Variants in ANKRD46 observed in about 807,000 individuals in gnomAD.
ANKRD46 encodes the protein ankyrin repeat domain-containing protein 46.
ANKRD46 carries 13 observed loss-of-function variants against 19.8 expected under a neutral mutation model. The observed-to-expected ratio is 0.66, with a 90% CI of 0.43 to 1.04. The LOEUF (loss-of-function observed/expected upper bound fraction) is 1.04. Ranked by LOEUF, ANKRD46 falls within the 50% of genes least tolerant of loss-of-function variation. The probability of loss-of-function intolerance (pLI) is 0.00; values close to 1 mark genes in which losing one functional copy is unlikely to be tolerated. For synonymous variants in ANKRD46, 91 were observed against 106.9 expected (o/e 0.85, Z 0.92); for missense variants, 185 against 274.8 (o/e 0.67, Z 2.31).
At position 100,529,527 on chromosome 8, in the gene ANKRD46, T is replaced by C. The variant is rs1173271158; in HGVS notation, c.307A>G (p.Ile103Val). The C allele has an allele frequency of 6.2e-7, 1 of 1,609,204 alleles. No individual in the cohort carries two copies. The highest frequency in any genetic ancestry group is 1.7e-5 in the Admixed American group (1 of 59,856). The change falls in exon 3 of 5, where the codon ATT (isoleucine) becomes GTT (valine). Residue 103 changes from isoleucine to valine, a missense_variant. Ile to Val is a conservative substitution (Grantham distance 29). Coordinates refer to ENST00000335659, the MANE Select transcript of ANKRD46 (RefSeq NM_001270377.2). The surrounding 1 kb of genome is among the most constrained non-coding windows in gnomAD (Gnocchi z 5.8). Reference protein sequence around the residue: ...FLVSNGLKIDICNHQGATPLV... With the variant: ...FLVSNGLKIDVCNHQGATPLV... ...CTAAAACAACAGAGAACTTACCAAA[T>C]ATCAATTTTGAGTCCATTGGAAACC...
Position 100,529,912 on chromosome 8 carries a change from A to G in ANKRD46, c.-27-52T>C, listed in dbSNP as rs1478474646. ...CCATGAAGACAAATGAAATCAAGACAAAGGAGTCATTTAGAAAAGCAATAT... is the reference window on the plus strand; with the variant it reads ...CCATGAAGACAAATGAAATCAAGACGAAGGAGTCATTTAGAAAAGCAATAT... On this transcript the variant is annotated intron_variant, in intron 2 of 4. Coordinates refer to ENST00000335659, the MANE Select transcript of ANKRD46 (RefSeq NM_001270377.2). This position sits in a 1 kb window ranked among gnomAD's most constrained non-coding sequence, Gnocchi z 5.8. 41 of 1,425,222 alleles carry G rather than the reference A, an allele frequency of 2.9e-5. No homozygotes were observed. The highest frequency in any genetic ancestry group is 3.8e-5 in the Non-Finnish European group (40 of 1,051,136). The allele number at this position is 1,425,222 out of a possible 1,614,324, so 88.3% of individuals were successfully genotyped here.
chr8:100,553,546 T>C (rs747764246), intron 1 of ANKRD46, among the ~76,000 whole-genome samples: 1 of 152,226 alleles, frequency 6.6e-6, no homozygotes, highest in Admixed American at 6.5e-5. Context: ...GTCAGGAGTT[T>C]GAGACCAGCC....
At chr8:100,512,491 C>T (rs1481211319) in intron 5 of ANKRD46, among the ~76,000 whole-genome samples, 1 of 152,186 alleles carries the variant, frequency 6.6e-6, no homozygotes, top group Non-Finnish European at 1.5e-5. Context: ...TTGTGACCAA[C>T]ACATACTTTT....
Position 100,557,468 on chromosome 8 carries a change from G to A in ANKRD46, c.-131+2243C>T, listed in dbSNP as rs1464356654. 1.3e-5 allele frequency among the ~76,000 whole-genome samples: 2 copies of A among 152,188 alleles called. No individual in the cohort carries two copies. The highest frequency in any genetic ancestry group is 4.8e-5 in the African/African-American group (2 of 41,442). On this transcript the variant is annotated intron_variant, in intron 1 of 4. Coordinates refer to ENST00000335659, the MANE Select transcript of ANKRD46 (RefSeq NM_001270377.2). The surrounding 1 kb of genome is among the most constrained non-coding windows in gnomAD (Gnocchi z 5.9). ...CTTCAATTACTGCATCAACCTAACA[G>A]GTCTCCCTGCTTCCATCCTTGCCCT...
At position 100,545,729 on chromosome 8, in the gene ANKRD46, T is replaced by G. The variant is rs1482474937; in HGVS notation, c.-130-12418A>C. ...GGGGCTCAGAAGATATGGGAAAGTC[T>G]GGAACTTCCTAGAGCCTTGCTGAAT... On this transcript the variant is annotated intron_variant, in intron 1 of 4. Coordinates refer to ENST00000335659, the MANE Select transcript of ANKRD46 (RefSeq NM_001270377.2). This position sits in a 1 kb window ranked among gnomAD's most constrained non-coding sequence, Gnocchi z 4.7. Among the ~76,000 whole-genome samples the G allele has an allele frequency of 6.6e-6, 1 of 152,176 alleles. No individual in the cohort carries two copies. Among genetic ancestry groups the G allele is most frequent in the East Asian group, 1.9e-4 (1 of 5,198 alleles).
At chr8:100,540,886 T>C (rs988643214) in intron 1 of ANKRD46, among the ~76,000 whole-genome samples, 2 of 152,072 alleles carry the variant, frequency 1.3e-5, no homozygotes, top group African/African-American at 2.4e-5. Flanking sequence ...TTCCAGTTTA[T>C]AGTCTATCAT....
intron 1 of ANKRD46, among the ~76,000 whole-genome samples, chr8:100,541,879 T>C (rs1812181919): frequency 6.6e-6 from 1 of 152,212 alleles, no homozygotes; most frequent in Non-Finnish European, 1.5e-5. Flanking sequence ...GTATTAAAAC[T>C]GCCTACAGTA....
In ANKRD46 at chr8:100,546,037, A is replaced by C. The variant is rs61677102; in HGVS notation, c.-130-12726T>G. Among the ~76,000 whole-genome samples the C allele has an allele frequency of 0.13, 19,386 of 152,278 alleles. 2,525 individuals are homozygous for C. Among genetic ancestry groups the C allele is most frequent in the African/African-American group, 0.32 (13,434 of 41,518 alleles). ...GAACAAATGTGTTCACGAAGAGATA[A>C]TCTGCAATTGGAACTTCTGTTTAAA... On this transcript the variant is annotated intron_variant, in intron 1 of 4. Transcript: ENST00000335659. This position sits in a 1 kb window ranked among gnomAD's most constrained non-coding sequence, Gnocchi z 4.0.
chr8:100,551,855 T>C, intron 1 of ANKRD46: 1 of 330,514 alleles, frequency 3.0e-6, no homozygotes, highest in Non-Finnish European at 5.8e-6. Context: ...ATATGTCTTT[T>C]GAAAACATTT....
At chr8:100,513,919 C>A (rs1811588597) in intron 5 of ANKRD46, among the ~76,000 whole-genome samples, 1 of 152,178 alleles carries the variant, frequency 6.6e-6, no homozygotes, top group South Asian at 2.1e-4. Context: ...GACCTAGAAA[C>A]TACTTCAAAA....
chr8:100,521,979 T>A lies in ANKRD46; in HGVS notation c.*576A>T. The A allele has an allele frequency of 1.0e-6, 1 of 983,922 alleles. No individual in the cohort carries two copies. Among genetic ancestry groups the A allele is most frequent in the Non-Finnish European group, 1.2e-6 (1 of 828,552 alleles). 60.9% of individuals were successfully genotyped at this position (983,922 alleles called of 1,614,324 possible). On this transcript the variant is annotated 3_prime_UTR_variant, in exon 5 of 5. Transcript: ENST00000335659. Reference sequence around the variant, plus strand: ...TTATCTTTGAACAAAATATAGCTCATTTTCAAAAGTTTTGTTTGGTTTGTG... The same window carrying A: ...TTATCTTTGAACAAAATATAGCTCAATTTCAAAAGTTTTGTTTGGTTTGTG...
chr8:100,547,779 G>C lies in ANKRD46; in HGVS notation c.-131+11932C>G, dbSNP rs370981161. Among the ~76,000 whole-genome samples the C allele has an allele frequency of 6.6e-5, 10 of 152,232 alleles. 1 individual carries two copies. The highest frequency in any genetic ancestry group is 2.2e-4 in the African/African-American group (9 of 41,534). On this transcript the variant is annotated intron_variant, in intron 1 of 4. Transcript: ENST00000335659. ...TCCTGACAGTGAATCAGACACAAAG[G>C]CCTGTCAGTTCTGTCTTTCATTGTC...
intron 5 of ANKRD46, among the ~76,000 whole-genome samples, chr8:100,512,708 T>C (rs1383015654): frequency 6.6e-6 from 1 of 152,110 alleles, no homozygotes; most frequent in African/African-American, 2.4e-5. Context: ...GTTCTGAGAG[T>C]AGTTCTATTA....
In ANKRD46 at chr8:100,551,507, T is replaced by C. The variant is rs1014043939; in HGVS notation, c.-131+8204A>G. 6.2e-6 allele frequency: 5 copies of C among 803,872 alleles called. No individual in the cohort carries two copies. In the African/African-American group the frequency reaches 6.8e-5, roughly 11 times the overall value. The allele number at this position is 803,872 out of a possible 1,614,324, so 49.8% of individuals were successfully genotyped here. A position where few individuals can be genotyped will look rare whatever the true frequency, so the allele number is the denominator to read the frequency against. On this transcript the variant is annotated intron_variant, in intron 1 of 4. Coordinates refer to ENST00000335659, the MANE Select transcript of ANKRD46 (RefSeq NM_001270377.2). ...CTGGAAGATGGTGATGGGATTTCCATTGATGACAAGCTTCCCATTCTCAGC... is the reference window on the plus strand; with the variant it reads ...CTGGAAGATGGTGATGGGATTTCCACTGATGACAAGCTTCCCATTCTCAGC...
chr8:100,529,642 C>T lies in ANKRD46; in HGVS notation c.192G>A (p.Leu64=). The T allele has an allele frequency of 1.2e-6, 2 of 1,614,242 alleles. No homozygotes were observed. Among genetic ancestry groups the T allele is most frequent in the Non-Finnish European group, 1.7e-6 (2 of 1,180,048 alleles). ...CCAGAAGATCGGCACCGAATTTATG[C>T]AGTAACTGGCAGATGTCTACATTCC... is the stretch of plus-strand genomic sequence containing the variant. ...ARGNVDICQL[L]HKFGADLLAT... Residue 64 remains leucine (L), a synonymous_variant, in exon 3 of 5, where the codon CTG becomes CTA. Coordinates refer to ENST00000335659, the MANE Select transcript of ANKRD46 (RefSeq NM_001270377.2). The surrounding 1 kb of genome is among the most constrained non-coding windows in gnomAD (Gnocchi z 5.8).
chr8:100,514,617 C>CTTCTTT (rs1811598628), intron 5 of ANKRD46, among the ~76,000 whole-genome samples: 1 of 74,032 alleles, frequency 1.4e-5, no homozygotes, highest in Non-Finnish European at 2.4e-5. Flanking sequence ...CCTCCATCTT[C>CTTCTTT]TTTTTTTTTT....
At chr8:100,516,684 G>C (rs1811640697), downstream of ANKRD46, among the ~76,000 whole-genome samples, 2 of 152,212 alleles carry the variant, frequency 1.3e-5, no homozygotes, top group Admixed American at 6.5e-5. Context: ...TCAGCATCCA[G>C]TGTGAAAGAT....
chr8:100,521,118 A>G lies in ANKRD46; in HGVS notation c.*1437T>C, dbSNP rs1249003046. 2.0e-6 allele frequency: 2 copies of G among 985,040 alleles called. No individual in the cohort carries two copies. The highest frequency in any genetic ancestry group is 2.4e-6 in the Non-Finnish European group (2 of 829,890). The allele number at this position is 985,040 out of a possible 1,614,324, so 61.0% of individuals were successfully genotyped here. On this transcript the variant is annotated 3_prime_UTR_variant, in exon 5 of 5. Coordinates refer to ENST00000335659, the MANE Select transcript of ANKRD46 (RefSeq NM_001270377.2). ...GCAGCCAGTTACTCAGGAATTTTAC[A>G]ACAGCTATTAAAGAGAGGATAAAGC...
At chr8:100,555,758 A>C (rs1812486661) in intron 1 of ANKRD46, among the ~76,000 whole-genome samples, 1 of 120,544 alleles carries the variant, frequency 8.3e-6, no homozygotes, top group Non-Finnish European at 1.7e-5. Flanking sequence ...AAAAAAAAAA[A>C]AAAAGATTTC....
Sources: allele counts gnomAD v4.1 joint callset (sites outside exome capture counted in the v4.1 genomes callset), GRCh38; gene constraint gnomAD v4.1.1; non-coding constraint Gnocchi (gnomAD v3.1); transcripts MANE v1.5; gene names NCBI Gene and HGNC (gene_info 2026-07-23, HGNC 2026-07-21).